Variants in CDH18 observed in about 807,000 individuals in gnomAD.
CDH18 encodes cadherin 18.
In CDH18, 31 loss-of-function variants were observed where a neutral mutation model predicts 67.9. The observed-to-expected ratio is 0.46, with a 90% CI of 0.34 to 0.62. The LOEUF is 0.62. Ranked by LOEUF, CDH18 falls within the 20% of genes least tolerant of loss-of-function variation. CDH18 has a pLI of 0.01. For synonymous variants in CDH18, 362 were observed against 347.2 expected (o/e 1.04, Z -0.48); for missense variants, 890 against 975.5 (o/e 0.91, Z 1.17).
chr5:20,101,683 A>C (rs948847575), intron 2 of CDH18, among the ~76,000 whole-genome samples: 3 of 152,200 alleles, frequency 2.0e-5, no homozygotes, highest in African/African-American at 7.2e-5. Flanking sequence ...CAGTGCCCAA[A>C]CACAGACTAA....
At chr5:20,228,949 T>C (rs896002933) in intron 2 of CDH18, among the ~76,000 whole-genome samples, 10 of 152,130 alleles carry the variant, frequency 6.6e-5, no homozygotes, top group African/African-American at 2.2e-4. Context: ...TGATGTAGCA[T>C]ATGCACTTAA....
At chr5:20,468,655 G>A (rs1231923835) in intron 1 of CDH18, among the ~76,000 whole-genome samples, 4 of 152,086 alleles carry the variant, frequency 2.6e-5, no homozygotes, top group African/African-American at 7.2e-5. Context: ...ACATAATTTA[G>A]AGTCCATGTA....
chr5:20,151,709 T>C (rs1751119987), intron 2 of CDH18, among the ~76,000 whole-genome samples: 1 of 152,150 alleles, frequency 6.6e-6, no homozygotes, highest in Non-Finnish European at 1.5e-5. Context: ...GTCAAATACT[T>C]CTTTTCCCAA....
At chr5:20,164,562 A>G (rs760368238) in intron 2 of CDH18, among the ~76,000 whole-genome samples, 5 of 152,296 alleles carry the variant, frequency 3.3e-5, no homozygotes, top group Non-Finnish European at 7.4e-5. Context: ...GGTGTGAGCC[A>G]TCGCACCCAG....
intron 2 of CDH18, among the ~76,000 whole-genome samples, chr5:19,891,606 T>C (rs1468800211): frequency 1.3e-5 from 2 of 152,106 alleles, no homozygotes; most frequent in Non-Finnish European, 2.9e-5. Context: ...GAATTCCCTG[T>C]TATAAGTGCC....
At chr5:19,914,936 T>C (rs2150148423) in intron 2 of CDH18, among the ~76,000 whole-genome samples, 1 of 152,240 alleles carries the variant, frequency 6.6e-6, no homozygotes, top group South Asian at 2.1e-4. Context: ...ATAGTTTTTT[T>C]CCAACTACTA....
chr5:20,068,808 T>C (rs1210642552), intron 2 of CDH18, among the ~76,000 whole-genome samples: 1 of 152,090 alleles, frequency 6.6e-6, no homozygotes. Context: ...AATTAGAATA[T>C]CCAGGCCACA....
intron 12 of CDH18, among the ~76,000 whole-genome samples, chr5:19,480,327 T>A (rs1739187546): frequency 6.6e-6 from 1 of 151,482 alleles, no homozygotes; most frequent in Non-Finnish European, 1.5e-5. Flanking sequence ...ACAGCAGTTC[T>A]GACCAATAAA....
intron 2 of CDH18, among the ~76,000 whole-genome samples, chr5:20,213,447 T>A (rs756991913): frequency 6.6e-6 from 1 of 152,098 alleles, no homozygotes; most frequent in African/African-American, 2.4e-5. Flanking sequence ...ATACTTTCAG[T>A]AGGAATGGTA....
chr5:20,367,319 C>T (rs1281884946), intron 1 of CDH18, among the ~76,000 whole-genome samples: 1 of 152,112 alleles, frequency 6.6e-6, no homozygotes, highest in South Asian at 2.1e-4. Context: ...CTCAAGCACA[C>T]CAGACCCCAT....
At chr5:20,024,747 T>A (rs1032790325) in intron 2 of CDH18, among the ~76,000 whole-genome samples, 1 of 151,786 alleles carries the variant, frequency 6.6e-6, no homozygotes, top group Admixed American at 6.6e-5. Context: ...ATGGAAGGAG[T>A]CTAACAAGGA....
intron 2 of CDH18, among the ~76,000 whole-genome samples, chr5:20,022,073 C>T (rs1001546618): frequency 5.9e-5 from 9 of 152,160 alleles, no homozygotes; most frequent in African/African-American, 2.2e-4. Flanking sequence ...CACAATGTGT[C>T]TATTGTTATT....
In CDH18 at chr5:20,466,994, G is replaced by A. The variant is rs112796818; in HGVS notation, c.-580+108468C>T. Among the ~76,000 whole-genome samples the A allele has an allele frequency of 6.3e-3, 961 of 152,078 alleles. 6 individuals carry two copies. The highest frequency in any genetic ancestry group is 0.014 in the Middle Eastern group (4 of 294). On this transcript the variant is annotated intron_variant, in intron 1 of 14. Coordinates refer to the CDH18 transcript ENST00000507958. ...GAAAAGGAGAGGGATAATATGAAATGGATAATGTCAGAATTGAAGATCGCC... is the reference window on the plus strand; with the variant it reads ...GAAAAGGAGAGGGATAATATGAAATAGATAATGTCAGAATTGAAGATCGCC...
At chr5:20,477,945 A>G (rs1752549209) in intron 1 of CDH18, among the ~76,000 whole-genome samples, 2 of 152,162 alleles carry the variant, frequency 1.3e-5, no homozygotes, top group Non-Finnish European at 2.9e-5. Context: ...CAGAGTCCTG[A>G]GGCCCCTATT....
intron 1 of CDH18, among the ~76,000 whole-genome samples, chr5:20,370,482 G>C (rs377025843): frequency 6.6e-6 from 1 of 152,038 alleles, no homozygotes; most frequent in African/African-American, 2.4e-5. Flanking sequence ...TTTTTTGACC[G>C]TTACCCATAG....
At chr5:19,990,782 A>AAAGAAGAAG (rs368901759), upstream of CDH18, among the ~76,000 whole-genome samples, 9 of 147,474 alleles carry the variant, frequency 6.1e-5, no homozygotes, top group African/African-American at 2.4e-4. Context: ...ACACAAAAGA[A>AAAGAAGAAG]AAGAAGAAGA....
At chr5:19,777,690 T>C (rs1239260131) in intron 3 of CDH18, among the ~76,000 whole-genome samples, 15 of 152,226 alleles carry the variant, frequency 9.9e-5, no homozygotes, top group Admixed American at 9.8e-4. Flanking sequence ...AATAAATATC[T>C]TACAGCCTTA....
chr5:20,131,216 A>G (rs1561815519), intron 2 of CDH18, among the ~76,000 whole-genome samples: 3 of 152,098 alleles, frequency 2.0e-5, no homozygotes, highest in Non-Finnish European at 4.4e-5. Context: ...TGTAAAAAAC[A>G]AAACAAAACA....
At position 20,126,910 on chromosome 5, in the gene CDH18, T is replaced by C. The variant is rs115337555; in HGVS notation, c.-518+128534A>G. On this transcript the variant is annotated intron_variant, in intron 2 of 14. Coordinates refer to the CDH18 transcript ENST00000507958. The stretch of plus-strand genomic sequence containing the variant: ...AACAATATGGAATTTTCTCTAAAAA[T>C]TGAAATAGAACTACCATAAAATCTA... Among the ~76,000 whole-genome samples, 1,292 of 152,268 alleles carry C rather than the reference T, an allele frequency of 8.5e-3. 15 individuals are homozygous for C. Among genetic ancestry groups the C allele is most frequent in the African/African-American group, 0.028 (1,158 of 41,562 alleles).
Sources: allele counts gnomAD v4.1 joint callset (sites outside exome capture counted in the v4.1 genomes callset), GRCh38; gene constraint gnomAD v4.1.1; transcripts MANE v1.5; gene names NCBI Gene and HGNC (gene_info 2026-07-23, HGNC 2026-07-21).